Variants in USP10 observed in about 807,000 individuals in gnomAD.
USP10 encodes ubiquitin carboxyl-terminal hydrolase 10.
In USP10, 22 loss-of-function variants were observed where a neutral mutation model predicts 84.5. That is an observed-to-expected ratio of 0.26 (90% CI 0.19 to 0.37). The LOEUF (loss-of-function observed/expected upper bound fraction) is 0.37. Ranked by LOEUF, USP10 falls within the 10% of genes least tolerant of loss-of-function variation. USP10 has a pLI of 1.00. For synonymous variants in USP10, 454 were observed against 387.6 expected (o/e 1.17, Z -2.01); for missense variants, 1,019 against 998.9 (o/e 1.02, Z -0.27).
At position 84,745,434 on chromosome 16, in the gene USP10, A is replaced by G. The variant is rs1414716177; in HGVS notation, c.953A>G (p.Glu318Gly). 5 of 1,613,686 alleles carry G rather than the reference A, an allele frequency of 3.1e-6. No homozygotes were observed. The South Asian group carries it at 5.5e-5, about 18-fold the overall frequency. The change falls in exon 4 of 14, where the codon GAG (glutamate) becomes GGG (glycine). Residue 318 changes from glutamate (E) to glycine (G), a missense_variant. By Grantham distance (98) the Glu-to-Gly change is moderately conservative (BLOSUM62 -2). Coordinates refer to ENST00000219473, the MANE Select transcript of USP10 (RefSeq NM_005153.3). ...ESIDLDPTKPESASPPADGTG... is the reference protein window; with the variant it reads ...ESIDLDPTKPGSASPPADGTG... Reference sequence around the variant, plus strand: ...ATAGACTTGGACCCAACCAAACCCGAGAGTGCATCACCTCCTGCTGACGGC... The same window carrying G: ...ATAGACTTGGACCCAACCAAACCCGGGAGTGCATCACCTCCTGCTGACGGC...
chr16:84,760,663 A>G (rs918640897), intron 8 of USP10, among the ~76,000 whole-genome samples: 2 of 152,162 alleles, frequency 1.3e-5, no homozygotes, highest in African/African-American at 2.4e-5. Context: ...AGAAGAGCTT[A>G]TGTCTTCATC....
chr16:84,756,719 A>G (rs556197048), intron 4 of USP10, among the ~76,000 whole-genome samples: 1 of 152,334 alleles, frequency 6.6e-6, no homozygotes, highest in Non-Finnish European at 1.5e-5. Context: ...TGGAGTTTTC[A>G]TTTGAGACAC....
At chr16:84,709,017 C>T (rs1032769816) in intron 1 of USP10, 1 of 152,198 alleles carries the variant, frequency 6.6e-6, no homozygotes, top group Non-Finnish European at 1.5e-5. Context: ...CAAGTGTGAA[C>T]AACATAGTCA....
intron 1 of USP10, among the ~76,000 whole-genome samples, chr16:84,708,360 G>C (rs1391994455): frequency 1.3e-5 from 2 of 152,174 alleles, no homozygotes; most frequent in Non-Finnish European, 2.9e-5. Flanking sequence ...TGAGGCAGGA[G>C]AATAGCTTGA....
intron 1 of USP10, among the ~76,000 whole-genome samples, chr16:84,708,248 G>C (rs1905806980): frequency 6.6e-6 from 1 of 152,116 alleles, no homozygotes; most frequent in East Asian, 1.9e-4. Context: ...TCAGGAGTTT[G>C]AGACCATCCT....
Position 84,714,935 on chromosome 16 carries a change from A to AT in USP10, c.21+14836dup, listed in dbSNP as rs148741686. Among the ~76,000 whole-genome samples, 67 of 138,672 alleles carry AT rather than the reference A, an allele frequency of 4.8e-4. 1 individual carries two copies. In the South Asian group the frequency reaches 6.7e-3, roughly 14 times the overall value. 91.0% of individuals were successfully genotyped at this position (138,672 alleles called of 152,430 possible). A position where few individuals can be genotyped will look rare whatever the true frequency, so the allele number is the denominator to read the frequency against. The stretch of plus-strand genomic sequence containing the variant: ...TCTGATTATTATTATTATTATTATT[A>AT]TTTTTTTTTTTTGAGATGGAGTCTT... On this transcript the variant is annotated intron_variant, in intron 1 of 13. Transcript: ENST00000219473.
At chr16:84,767,890 A>G (rs532680358) in intron 10 of USP10, among the ~76,000 whole-genome samples, 54 of 152,090 alleles carry the variant, frequency 3.6e-4, no homozygotes, top group African/African-American at 1.3e-3. Flanking sequence ...CAAGTGAACA[A>G]AGGTCTCTGG....
In USP10 at chr16:84,760,248, A is replaced by G. The variant is rs1913053128; in HGVS notation, c.1527A>G (p.Thr509=). The change falls in exon 8 of 14, where the codon ACA becomes ACG. Residue 509 remains threonine (T), a synonymous_variant. Coordinates refer to ENST00000219473, the MANE Select transcript of USP10 (RefSeq NM_005153.3). Reference sequence around the variant, plus strand: ...CCACATATATTTACAGACTCCTGACAGTTAACAAGTCAAGCCTGTCTGAAA... The same window carrying G: ...CCACATATATTTACAGACTCCTGACGGTTAACAAGTCAAGCCTGTCTGAAA... ...FEPTYIYRLL[T]VNKSSLSEKG... The G allele has an allele frequency of 1.9e-6, 3 of 1,609,402 alleles. No homozygotes were observed. The highest frequency in any genetic ancestry group is 2.5e-6 in the Non-Finnish European group (3 of 1,177,764).
chr16:84,734,575 C>G (rs1049635912), intron 2 of USP10, among the ~76,000 whole-genome samples: 7 of 152,048 alleles, frequency 4.6e-5, no homozygotes, highest in Non-Finnish European at 4.4e-5. Context: ...TTAGGTGAAC[C>G]CTTTTTGGGG....
chr16:84,726,328 A>G (rs889027495), intron 1 of USP10, among the ~76,000 whole-genome samples: 2 of 152,246 alleles, frequency 1.3e-5, no homozygotes, highest in East Asian at 3.8e-4. Context: ...AACATTAGAC[A>G]TCTTTTCTCC....
chr16:84,752,538 A>G (rs1294251959), intron 4 of USP10, among the ~76,000 whole-genome samples: 1 of 152,236 alleles, frequency 6.6e-6, no homozygotes. Flanking sequence ...ATAACATTGT[A>G]AATGAAAATG....
intron 4 of USP10, among the ~76,000 whole-genome samples, chr16:84,754,125 A>G (rs1912245956): frequency 6.6e-6 from 1 of 152,228 alleles, no homozygotes; most frequent in Non-Finnish European, 1.5e-5. Flanking sequence ...GGAGGCACAC[A>G]GCACTAATAT....
chr16:84,756,131 T>C (rs992886791), intron 4 of USP10, among the ~76,000 whole-genome samples: 2 of 138,964 alleles, frequency 1.4e-5, no homozygotes, highest in Non-Finnish European at 3.1e-5. Flanking sequence ...GCTTAGCCTG[T>C]ACAGTGTGTG....
Position 84,737,080 on chromosome 16 carries a change from G to A in USP10, c.91-3229G>A, listed in dbSNP as rs903361728. ...TGGGATTACAGGCGTGAGCCACCAC[G>A]CCCGGCCTAATTTGGTATCTTAATG... On this transcript the variant is annotated intron_variant, in intron 2 of 13. Coordinates refer to ENST00000219473, the MANE Select transcript of USP10 (RefSeq NM_005153.3). Among the ~76,000 whole-genome samples the A allele has an allele frequency of 8.5e-5, 13 of 152,300 alleles. No homozygotes were observed. In the South Asian group the frequency reaches 2.1e-3, roughly 24 times the overall value.
At position 84,763,110 on chromosome 16, in the gene USP10, G is replaced by C. The variant is rs146126424; in HGVS notation, c.1654+22G>C. 100 of 1,523,354 alleles carry C rather than the reference G, an allele frequency of 6.6e-5. 1 individual carries two copies. In the South Asian group the frequency reaches 1.1e-3, roughly 17 times the overall value. The allele number at this position is 1,523,354 out of a possible 1,614,324, so 94.4% of individuals were successfully genotyped here. A position where few individuals can be genotyped will look rare whatever the true frequency, so the allele number is the denominator to read the frequency against. On this transcript the variant is annotated intron_variant, in intron 9 of 13. Coordinates refer to ENST00000219473, the MANE Select transcript of USP10 (RefSeq NM_005153.3). ...GAAAGTAGGTTATGGTCCACTTGCC[G>C]CAGAGTTGTGCAAGAGTTCGCTGTA...
rs373334601 is a variant in USP10, at chr16:84,705,526, C to T, written c.21+5415C>T. On this transcript the variant is annotated intron_variant, in intron 1 of 13. Coordinates refer to ENST00000219473, the MANE Select transcript of USP10 (RefSeq NM_005153.3). ...GATTATAGGCGTGAGCCACCACACC[C>T]AGCCACTCCTGTGCCTTTTGAACCT... Among the ~76,000 whole-genome samples, 96 of 151,552 alleles carry T rather than the reference C, an allele frequency of 6.3e-4. 2 individuals carry two copies. The highest frequency in any genetic ancestry group is 2.3e-3 in the African/African-American group (93 of 41,330).
rs150386092 is a variant in USP10, at chr16:84,763,951, G to A, written c.1655-135G>A. The A allele has an allele frequency of 1.1e-5, 12 of 1,133,784 alleles. No homozygotes were observed. The South Asian group carries it at 1.2e-4, about 11-fold the overall frequency. 70.2% of individuals were successfully genotyped at this position (1,133,784 alleles called of 1,614,324 possible). A position where few individuals can be genotyped will look rare whatever the true frequency, so the allele number is the denominator to read the frequency against. On this transcript the variant is annotated intron_variant, in intron 9 of 13. Coordinates refer to ENST00000219473, the MANE Select transcript of USP10 (RefSeq NM_005153.3). ...GATCCAGTGACGTTGCTCCTGTTGCGATTGGTTGCCGTGGCTCCTAATGTA... is the reference window on the plus strand; with the variant it reads ...GATCCAGTGACGTTGCTCCTGTTGCAATTGGTTGCCGTGGCTCCTAATGTA...
chr16:84,743,063 C>T (rs149708293), intron 3 of USP10, among the ~76,000 whole-genome samples: 224 of 152,304 alleles, frequency 1.5e-3, no homozygotes, highest in African/African-American at 5.1e-3. Flanking sequence ...TCTGGGGAGC[C>T]TTGACGGCCC....
chr16:84,708,977 T>C (rs2150758251), intron 1 of USP10: 1 of 152,334 alleles, frequency 6.6e-6, no homozygotes, highest in South Asian at 2.1e-4. Context: ...GCTGGGTGCA[T>C]CCAGTTTTAG....
Sources: allele counts gnomAD v4.1 joint callset (sites outside exome capture counted in the v4.1 genomes callset), GRCh38; gene constraint gnomAD v4.1.1; transcripts MANE v1.5; gene names NCBI Gene and HGNC (gene_info 2026-07-23, HGNC 2026-07-21).